Variants in USP50 observed in about 807,000 individuals in gnomAD.
USP50 encodes ubiquitin carboxyl-terminal hydrolase 50.
USP50 carries 37 observed loss-of-function variants against 39.2 expected under a neutral mutation model. The ratio of observed to expected loss-of-function variants is 0.94; its 90% CI spans 0.73 to 1.24. USP50 has a LOEUF of 1.24. Ranked by LOEUF, USP50 falls within the 50% of genes most tolerant of loss-of-function variation. The pLI is 0.00. For missense variants in USP50, 374 were observed against 398.2 expected (o/e 0.94, Z 0.52); for synonymous variants, 139 against 144.5 (o/e 0.96, Z 0.27).
chr15:50,495,463 TTTC>T (rs1376116615), intron 1 of USP50, among the ~76,000 whole-genome samples: 1 of 145,000 alleles, frequency 6.9e-6, no homozygotes, highest in Non-Finnish European at 1.5e-5. Context: ...TTTTTAGCTT[TTTC>T]TTTTTTTAGT....
At chr15:50,539,113 G>GTTTTTTTTTTTTTTTTTTTTTTTT (rs58459024) in intron 4 of USP50, among the ~76,000 whole-genome samples, 1 of 137,014 alleles carries the variant, frequency 7.3e-6, no homozygotes, top group East Asian at 2.1e-4. Context: ...TTTTGGTTTT[G>GTTTTTTTTTTTTTTTTTTTTTTTT]TTTTTTTTTT....
At chr15:50,495,550 C>T (rs2052364899) in intron 1 of USP50, among the ~76,000 whole-genome samples, 1 of 151,864 alleles carries the variant, frequency 6.6e-6, no homozygotes. Context: ...AGTCCTCCTG[C>T]CTTGGCTTCC....
At chr15:50,513,794 C>T in intron 6 of USP50, 1 of 152,190 alleles carries the variant, frequency 6.6e-6, no homozygotes, top group East Asian at 1.9e-4. Context: ...TTTAAGGCAA[C>T]TGAAACTTCC....
chr15:50,533,727 C>T (rs1359022919), intron 5 of USP50, among the ~76,000 whole-genome samples: 4 of 152,142 alleles, frequency 2.6e-5, no homozygotes, highest in Non-Finnish European at 4.4e-5. Context: ...AGGTCTGGCA[C>T]GGTGGCTCAT....
chr15:50,536,987 A>G (rs548696939), intron 5 of USP50, among the ~76,000 whole-genome samples: 1 of 152,348 alleles, frequency 6.6e-6, no homozygotes, highest in Admixed American at 6.5e-5. Context: ...CAGAGTAGCC[A>G]AAACTATACT....
At chr15:50,517,602 C>T (rs1312698725) in intron 6 of USP50, among the ~76,000 whole-genome samples, 24 of 152,064 alleles carry the variant, frequency 1.6e-4, no homozygotes. Context: ...ACAGTATGCT[C>T]CTGAATCACC....
At chr15:50,535,085 G>A (rs1294190405) in intron 5 of USP50, among the ~76,000 whole-genome samples, 1 of 152,002 alleles carries the variant, frequency 6.6e-6, no homozygotes, top group African/African-American at 2.4e-5. Context: ...TTTGCAGTGA[G>A]CCAAGACGGC....
At chr15:50,516,961 G>A (rs1278509783) in intron 6 of USP50, among the ~76,000 whole-genome samples, 2 of 152,048 alleles carry the variant, frequency 1.3e-5, no homozygotes, top group African/African-American at 4.8e-5. Context: ...CTGAAATGCA[G>A]TAACAGTAGG....
chr15:50,497,873 A>G (rs1344022467), downstream of USP50, among the ~76,000 whole-genome samples: 4 of 152,190 alleles, frequency 2.6e-5, no homozygotes, highest in Admixed American at 6.5e-5. Flanking sequence ...TTTTGTGTCA[A>G]AAAAGCATTT....
At chr15:50,525,502 G>A (rs1465013355) in intron 6 of USP50, among the ~76,000 whole-genome samples, 1 of 145,830 alleles carries the variant, frequency 6.9e-6, no homozygotes, top group East Asian at 2.0e-4. Context: ...ATATATGTAT[G>A]TGTGTGTATA....
At chr15:50,496,555 A>G (rs1180901373), downstream of USP50, among the ~76,000 whole-genome samples, 1 of 151,188 alleles carries the variant, frequency 6.6e-6, no homozygotes, top group Non-Finnish European at 1.5e-5. Context: ...GCCTATGTAG[A>G]TTAGAAAGAA....
At chr15:50,539,459 C>A (rs2053012032) in intron 4 of USP50, among the ~76,000 whole-genome samples, 2 of 148,932 alleles carry the variant, frequency 1.3e-5, no homozygotes, top group Admixed American at 6.8e-5. Context: ...CCCTCTGTCG[C>A]CAGGCTGAGT....
intron 5 of USP50, among the ~76,000 whole-genome samples, chr15:50,538,273 C>CAAAAAAAAAAAAAAAA (rs766139797): frequency 5.8e-5 from 1 of 17,312 alleles, no homozygotes; most frequent in African/African-American, 1.2e-4. Flanking sequence ...GAGACTGTCT[C>CAAAAAAAAAAAAAAAA]AAAAAAAAAA....
intron 6 of USP50, chr15:50,510,172 G>C (rs1258694756): frequency 2.1e-5 from 3 of 142,140 alleles, no homozygotes; most frequent in Non-Finnish European, 4.4e-5. Flanking sequence ...CTGAGGAAAA[G>C]AAGAGGCTGA....
rs1222029180 is a variant in USP50, at chr15:50,543,828, T to C, written c.249-35A>G. ...AGAAAGGGATATGTTTCTGGCTGAT[T>C]TAATGAAAAGAAGGCACCTAATCAC... is the stretch of plus-strand genomic sequence containing the variant. On this transcript the variant is annotated intron_variant, in intron 2 of 6. Coordinates refer to ENST00000532404, the MANE Select transcript of USP50 (RefSeq NM_203494.5). 7 of 1,581,514 alleles carry C rather than the reference T, an allele frequency of 4.4e-6. No individual in the cohort carries two copies. In the South Asian group the frequency reaches 6.9e-5, roughly 16 times the overall value.
downstream of USP50, among the ~76,000 whole-genome samples, chr15:50,496,398 G>A (rs928135498): frequency 2.0e-5 from 3 of 151,064 alleles, no homozygotes; most frequent in Admixed American, 6.6e-5. Flanking sequence ...GGAGAATGGC[G>A]TGAACCCTGG....
chr15:50,508,292 G>T (rs2052691449), intron 6 of USP50: 1 of 152,126 alleles, frequency 6.6e-6, no homozygotes, highest in Non-Finnish European at 1.5e-5. Flanking sequence ...ATGCACTGAT[G>T]TCTGAGAATG....
intron 4 of USP50, among the ~76,000 whole-genome samples, chr15:50,539,071 C>T (rs1481951097): frequency 6.6e-6 from 1 of 151,900 alleles, no homozygotes; most frequent in African/African-American, 2.4e-5. Flanking sequence ...GATTTGAGTG[C>T]CTACCTCACT....
rs1261707841 is a variant in USP50 at position 50,523,283 on chromosome 15, A to G, written c.936+6514T>C. On this transcript the variant is annotated intron_variant, in intron 6 of 6. Coordinates refer to ENST00000532404, the MANE Select transcript of USP50 (RefSeq NM_203494.5). ...AGCCTCAACCTCCTGGGCTCAAGCG[A>G]TCCTCCCACATCAGCCTCTGGAGTA... Among the ~76,000 whole-genome samples the G allele has an allele frequency of 8.8e-5, 13 of 148,222 alleles. 1 individual carries two copies. Among genetic ancestry groups the G allele is most frequent in the Admixed American group, 8.3e-4 (12 of 14,386 alleles).
Sources: allele counts gnomAD v4.1 joint callset (sites outside exome capture counted in the v4.1 genomes callset), GRCh38; gene constraint gnomAD v4.1.1; transcripts MANE v1.5; gene names NCBI Gene and HGNC (gene_info 2026-07-23, HGNC 2026-07-21).